MSI2: variants seen among roughly 807,000 people sequenced by gnomAD.
MSI2 encodes the protein RNA-binding protein Musashi homolog 2.
In MSI2, 17 loss-of-function variants were observed where a neutral mutation model predicts 45.6. The observed-to-expected ratio is 0.37, with a 90% CI of 0.26 to 0.56. MSI2 has a LOEUF of 0.56. Among genes scored for constraint, MSI2 ranks in the 20% least tolerant of loss-of-function variants. MSI2 has a pLI of 0.77. For missense variants in MSI2, 293 were observed against 444.2 expected, an observed-to-expected ratio of 0.66 and a Z score of 3.06; for synonymous variants, 156 against 158.2, an observed-to-expected ratio of 0.99 and a Z score of 0.11.
chr17:57,667,921 AG>A (rs1419292466), intron 11 of MSI2, among the ~76,000 whole-genome samples: 2 of 152,232 alleles, frequency 1.3e-5, no homozygotes, highest in African/African-American at 4.8e-5. Flanking sequence ...CAGGAGGGCC[AG>A]GCACAGTGGC....
At chr17:57,358,206 T>G (rs200626036) in intron 5 of MSI2, among the ~76,000 whole-genome samples, 5,859 of 146,130 alleles carry the variant, frequency 0.04, 191 homozygotes, top group East Asian at 0.2. Flanking sequence ...TGTGGGGGGG[T>G]GTGTGTGTGT....
chr17:57,331,057 G>A (rs1426934641), intron 5 of MSI2, among the ~76,000 whole-genome samples: 1 of 152,140 alleles, frequency 6.6e-6, no homozygotes, highest in East Asian at 1.9e-4. Flanking sequence ...GGGATTACAG[G>A]CACGCACCAC....
At chr17:57,560,168 A>G (rs557249361) in intron 7 of MSI2, among the ~76,000 whole-genome samples, 3 of 152,354 alleles carry the variant, frequency 2.0e-5, no homozygotes, top group South Asian at 2.1e-4. Flanking sequence ...GTAAAAACCT[A>G]TTATGGTCCA....
intron 7 of MSI2, among the ~76,000 whole-genome samples, chr17:57,567,411 C>A (rs2087761783): frequency 6.6e-6 from 1 of 152,172 alleles, no homozygotes; most frequent in South Asian, 2.1e-4. Context: ...AATTATAATG[C>A]AATTAAATTG....
intron 10 of MSI2, among the ~76,000 whole-genome samples, chr17:57,651,346 G>A (rs994472307): frequency 2.0e-5 from 3 of 151,978 alleles, no homozygotes; most frequent in Non-Finnish European, 2.9e-5. Context: ...GGCTCAGACC[G>A]AAGAGCCACA....
chr17:57,305,711 T>C (rs1328228442), intron 5 of MSI2, among the ~76,000 whole-genome samples: 1 of 152,122 alleles, frequency 6.6e-6, no homozygotes, highest in East Asian at 1.9e-4. Flanking sequence ...CAGAATAAAA[T>C]CGACTTAAGG....
At chr17:57,394,959 C>T (rs2083862876) in intron 5 of MSI2, among the ~76,000 whole-genome samples, 3 of 152,318 alleles carry the variant, frequency 2.0e-5, no homozygotes, top group South Asian at 2.1e-4. Context: ...TATAGTCTTT[C>T]ATAGTTCAAG....
At chr17:57,350,492 G>T (rs1461882402) in intron 5 of MSI2, among the ~76,000 whole-genome samples, 2 of 152,164 alleles carry the variant, frequency 1.3e-5, no homozygotes, top group African/African-American at 2.4e-5. Context: ...TCAGGATAAA[G>T]TCCAAGTGCT....
At chr17:57,541,391 A>C (rs1191159961) in intron 7 of MSI2, among the ~76,000 whole-genome samples, 1 of 152,186 alleles carries the variant, frequency 6.6e-6, no homozygotes, top group Non-Finnish European at 1.5e-5. Context: ...AAAGGAAGAA[A>C]AGGAAGGAAT....
At chr17:57,532,779 C>T (rs1320039850) in intron 7 of MSI2, among the ~76,000 whole-genome samples, 1 of 152,230 alleles carries the variant, frequency 6.6e-6, no homozygotes, top group East Asian at 1.9e-4. Flanking sequence ...TGGCTGGCGC[C>T]GCCTCCAGCT....
intron 10 of MSI2, among the ~76,000 whole-genome samples, chr17:57,645,612 T>G (rs949032763): frequency 1.3e-5 from 2 of 151,770 alleles, no homozygotes; most frequent in Non-Finnish European, 2.9e-5. Flanking sequence ...GCTTTTTTTT[T>G]TTTATTTTTA....
chr17:57,449,436 A>C (rs1009750440), intron 6 of MSI2: 1 of 152,136 alleles, frequency 6.6e-6, no homozygotes, highest in African/African-American at 2.4e-5. Flanking sequence ...GACCTTGTGG[A>C]CCAGTGGTTT....
chr17:57,563,977 C>A (rs1194545937), intron 7 of MSI2, among the ~76,000 whole-genome samples: 1 of 152,202 alleles, frequency 6.6e-6, no homozygotes, highest in Non-Finnish European at 1.5e-5. Flanking sequence ...GGCCTGGGCA[C>A]CTCCTCTGAG....
intron 6 of MSI2, among the ~76,000 whole-genome samples, chr17:57,409,900 C>A (rs1165428529): frequency 6.7e-6 from 1 of 149,324 alleles, no homozygotes; most frequent in Non-Finnish European, 1.5e-5. Flanking sequence ...CCCAGCTACT[C>A]GGGAGGTTGA....
rs3059122 is a variant in MSI2, at chr17:57,581,004, C to CTTTTTTTTTTTTTTTTTTTTT, written c.455-15858_455-15838dup. 2.4e-4 allele frequency among the ~76,000 whole-genome samples: 16 copies of CTTTTTTTTTTTTTTTTTTTTT among 66,502 alleles called. 5 individuals carry two copies. Among genetic ancestry groups the CTTTTTTTTTTTTTTTTTTTTT allele is most frequent in the East Asian group, 5.6e-4 (1 of 1,778 alleles). The allele number at this position is 66,502 out of a possible 152,430, so 43.6% of individuals were successfully genotyped here. A position where few individuals can be genotyped will look rare whatever the true frequency, so the allele number is the denominator to read the frequency against. ...CATGCCAGCCCCATGAGGTCAGCAT[C>CTTTTTTTTTTTTTTTTTTTTT]TTTTTTTTTTTTTTTTTTTTTTTTT... On this transcript the variant is annotated intron_variant, in intron 7 of 13. Transcript: ENST00000284073.
intron 13 of MSI2, among the ~76,000 whole-genome samples, chr17:57,677,972 C>G (rs1468002762): frequency 2.0e-5 from 3 of 152,176 alleles, no homozygotes; most frequent in Non-Finnish European, 4.4e-5. Flanking sequence ...GGATCTGTCT[C>G]TGGAAAAGAG....
chr17:57,656,867 C>A (rs948198874), intron 11 of MSI2, among the ~76,000 whole-genome samples: 1 of 152,208 alleles, frequency 6.6e-6, no homozygotes, highest in Non-Finnish European at 1.5e-5. Context: ...GCCATCTTCC[C>A]TACATTTGTG....
intron 5 of MSI2, among the ~76,000 whole-genome samples, chr17:57,331,384 G>A (rs1914260051): frequency 6.6e-6 from 1 of 152,172 alleles, no homozygotes; most frequent in African/African-American, 2.4e-5. Flanking sequence ...GCAGGGTGAG[G>A]GAGTGGGAGC....
At chr17:57,524,191 G>C (rs970129631) in intron 6 of MSI2, among the ~76,000 whole-genome samples, 8 of 152,186 alleles carry the variant, frequency 5.3e-5, no homozygotes, top group African/African-American at 1.7e-4. Flanking sequence ...GCAGGAACTT[G>C]CAAATCCTCT....
Sources: gnomAD v4.1 joint callset for allele counts (sites outside exome capture counted in the v4.1 genomes callset) on GRCh38, gnomAD v4.1.1 for gene constraint, MANE v1.5 for transcripts, NCBI Gene and HGNC (gene_info 2026-07-23, HGNC 2026-07-21) for gene names.